CCR9: variants seen among roughly 807,000 people sequenced by gnomAD.
CCR9 encodes the protein C-C chemokine receptor type 9.
A neutral mutation model predicts 8.7 loss-of-function variants in CCR9; 4 were observed. The observed-to-expected ratio is 0.46, with a 90% CI of 0.23 to 1.06. CCR9 has a LOEUF of 1.06. CCR9 is among the 50% of genes least tolerant of loss of function. The probability of loss-of-function intolerance (pLI) is 0.21; values close to 1 mark genes in which losing one functional copy is unlikely to be tolerated. For missense variants in CCR9, 394 were observed against 453.6 expected (o/e 0.87, Z 1.19); for synonymous variants, 159 against 168.8 (o/e 0.94, Z 0.45).
At position 45,897,975 on chromosome 3, in the gene CCR9, CAAA is replaced by C. The variant is rs72284250; in HGVS notation, c.22-2819_22-2817del. ...TGAGAGTCTATTAAAGCTATTTGAC[CAAA>C]AAAAAAAAAAAAAAACACACAAAAC... On this transcript the variant is annotated intron_variant, in intron 2 of 2. Coordinates refer to ENST00000357632, the MANE Select transcript of CCR9 (RefSeq NM_031200.3). Among the ~76,000 whole-genome samples the C allele has an allele frequency of 5.6e-3, 594 of 105,972 alleles. 4 individuals carry two copies. Among genetic ancestry groups the C allele is most frequent in the African/African-American group, 0.02 (528 of 26,406 alleles). 69.5% of individuals were successfully genotyped at this position (105,972 alleles called of 152,430 possible). A position where few individuals can be genotyped will look rare whatever the true frequency, so the allele number is the denominator to read the frequency against.
upstream of CCR9, chr3:45,886,370 C>A (rs973416950): frequency 6.6e-6 from 1 of 152,258 alleles, no homozygotes; most frequent in Non-Finnish European, 1.5e-5. Context: ...GACAGTTTCC[C>A]CTTATCCCAG....
chr3:45,898,680 G>A (rs1368552987), intron 2 of CCR9, among the ~76,000 whole-genome samples: 1 of 152,218 alleles, frequency 6.6e-6, no homozygotes, highest in African/African-American at 2.4e-5. Context: ...CTGCCAGCCA[G>A]GGCCCAAATA....
intron 2 of CCR9, chr3:45,897,773 G>C: frequency 1.7e-6 from 1 of 591,834 alleles, no homozygotes; most frequent in Non-Finnish European, 2.9e-6. Context: ...TTTCTTCCTT[G>C]TCTGTCTTCC....
At chr3:45,895,328 A>G (rs1333954444) in intron 2 of CCR9, among the ~76,000 whole-genome samples, 1 of 152,252 alleles carries the variant, frequency 6.6e-6, no homozygotes, top group Non-Finnish European at 1.5e-5. Context: ...TGGGCACATT[A>G]GTTGTATTTC....
chr3:45,898,417 T>C (rs1350392043), intron 2 of CCR9, among the ~76,000 whole-genome samples: 1 of 152,246 alleles, frequency 6.6e-6, no homozygotes, highest in Non-Finnish European at 1.5e-5. Context: ...TCTCTAAGTG[T>C]AAACTGAAAT....
chr3:45,891,946 A>C (rs562489041), intron 1 of CCR9, among the ~76,000 whole-genome samples: 4 of 152,286 alleles, frequency 2.6e-5, no homozygotes, highest in African/African-American at 9.6e-5. Flanking sequence ...TTTAGGACAA[A>C]TGTGACACTG....
At chr3:45,897,644 A>G (rs1395840990) in intron 2 of CCR9, 1 of 1,524,988 alleles carries the variant, frequency 6.6e-7, no homozygotes, top group Admixed American at 2.0e-5. Context: ...CAGGACTAAC[A>G]CAGCTAAGTG....
rs1702503993 is a variant in CCR9 at position 45,900,191 on chromosome 3, C to A, written c.22-619C>A. On this transcript the variant is annotated intron_variant, in intron 2 of 2. Transcript: ENST00000357632. The surrounding 1 kb of genome is among the most constrained non-coding windows in gnomAD (Gnocchi z 4.7). ...TTGAAATTCCTAATAATTTTTGGACCACGGGTCCTGCTAACTATAGAGCAG... is the reference window on the plus strand; with the variant it reads ...TTGAAATTCCTAATAATTTTTGGACAACGGGTCCTGCTAACTATAGAGCAG... Among the ~76,000 whole-genome samples the A allele has an allele frequency of 6.6e-6, 1 of 151,962 alleles. No individual in the cohort carries two copies. Among genetic ancestry groups the A allele is most frequent in the South Asian group, 2.1e-4 (1 of 4,810 alleles).
Position 45,901,296 on chromosome 3 carries a change from T to A in CCR9, c.508T>A (p.Phe170Ile). Residue 170 changes from phenylalanine to isoleucine, a missense_variant, in exon 3 of 3, where the codon TTT (phenylalanine) becomes ATT (isoleucine). By Grantham distance (21) the Phe-to-Ile change is conservative (BLOSUM62 0). Coordinates refer to ENST00000357632, the MANE Select transcript of CCR9 (RefSeq NM_031200.3). This position sits in a 1 kb window ranked among gnomAD's most constrained non-coding sequence, Gnocchi z 4.3. ...GCTTTTGTACAGCAAAATGGTTTGC[T>A]TTACCATCTGGGTATTGGCAGCTGC... ...KRLLYSKMVC[F>I]TIWVLAAALC... 6.2e-7 allele frequency: 1 copy of A among 1,614,190 alleles called. No individual in the cohort carries two copies. Among genetic ancestry groups the A allele is most frequent in the South Asian group, 1.1e-5 (1 of 91,072 alleles).
chr3:45,887,778 C>A (rs1175282654), intron 1 of CCR9, among the ~76,000 whole-genome samples: 3 of 152,236 alleles, frequency 2.0e-5, no homozygotes, highest in East Asian at 3.8e-4. Flanking sequence ...CCCTGTGCAG[C>A]CCCTGCTGGG....
chr3:45,897,773 G>T, intron 2 of CCR9: 1 of 591,834 alleles, frequency 1.7e-6, no homozygotes, highest in Non-Finnish European at 2.9e-6. Flanking sequence ...TTTCTTCCTT[G>T]TCTGTCTTCC....
At position 45,901,110 on chromosome 3, in the gene CCR9, G is replaced by A; in HGVS notation, c.322G>A (p.Ala108Thr). 6.2e-7 allele frequency: 1 copy of A among 1,614,108 alleles called. No individual in the cohort carries two copies. The highest frequency in any genetic ancestry group is 8.5e-7 in the Non-Finnish European group (1 of 1,180,008). ...LVTLPFWAIA[A>T]ADQWKFQTFM... is the part of the protein sequence containing the mutation. The stretch of plus-strand genomic sequence containing the variant: ...CACTCTTCCCTTCTGGGCCATTGCT[G>A]CTGCTGACCAGTGGAAGTTCCAGAC... The change falls in exon 3 of 3, where the codon GCT becomes ACT. Residue 108 changes from alanine to threonine, a missense_variant. Ala to Thr is a moderately conservative substitution (Grantham distance 58, BLOSUM62 0). Transcript: ENST00000357632. The surrounding 1 kb of genome is among the most constrained non-coding windows in gnomAD (Gnocchi z 4.3).
In CCR9 at chr3:45,901,953, A is replaced by C; in HGVS notation, c.*55A>C. On this transcript the variant is annotated 3_prime_UTR_variant, in exon 3 of 3. Coordinates refer to ENST00000357632, the MANE Select transcript of CCR9 (RefSeq NM_031200.3). This position sits in a 1 kb window ranked among gnomAD's most constrained non-coding sequence, Gnocchi z 4.3. ...TGGAAGAAATGAGAAATACAGAAACAGTTTCCCCACTGATGGGACCAGAGA... is the reference window on the plus strand; with the variant it reads ...TGGAAGAAATGAGAAATACAGAAACCGTTTCCCCACTGATGGGACCAGAGA... The C allele has an allele frequency of 6.9e-7, 1 of 1,439,828 alleles. No homozygotes were observed. The highest frequency in any genetic ancestry group is 9.4e-7 in the Non-Finnish European group (1 of 1,062,614). The allele number at this position is 1,439,828 out of a possible 1,614,324, so 89.2% of individuals were successfully genotyped here.
chr3:45,891,494 T>C (rs1702178457), intron 1 of CCR9, among the ~76,000 whole-genome samples: 1 of 152,198 alleles, frequency 6.6e-6, no homozygotes, highest in Non-Finnish European at 1.5e-5. Flanking sequence ...TTTTGAATCC[T>C]TTGAGAATAT....
At position 45,900,970 on chromosome 3, in the gene CCR9, T is replaced by C; in HGVS notation, c.182T>C (p.Val61Ala). The C allele has an allele frequency of 6.2e-7, 1 of 1,614,232 alleles. No individual in the cohort carries two copies. Among genetic ancestry groups the C allele is most frequent in the South Asian group, 1.1e-5 (1 of 91,082 alleles). Reference sequence around the variant, plus strand: ...CCCTTGTACTGGCTCGTGTTCATCGTGGGTGCCTTGGGCAACAGTCTTGTT... The same window carrying C: ...CCCTTGTACTGGCTCGTGTTCATCGCGGGTGCCTTGGGCAACAGTCTTGTT... ...LPPLYWLVFI[V>A]GALGNSLVIL... Residue 61 changes from valine (V) to alanine (A), a missense_variant, in exon 3 of 3, where the codon GTG (valine) becomes GCG (alanine). Coordinates refer to ENST00000357632, the MANE Select transcript of CCR9 (RefSeq NM_031200.3). The surrounding 1 kb of genome is among the most constrained non-coding windows in gnomAD (Gnocchi z 4.7).
chr3:45,898,598 A>T (rs1159908231), intron 2 of CCR9, among the ~76,000 whole-genome samples: 1 of 152,204 alleles, frequency 6.6e-6, no homozygotes, highest in African/African-American at 2.4e-5. Context: ...CACATATTGG[A>T]GATGGAGTCA....
At chr3:45,889,361 A>G (rs1169317234) in intron 1 of CCR9, among the ~76,000 whole-genome samples, 2 of 152,214 alleles carry the variant, frequency 1.3e-5, no homozygotes, top group Admixed American at 1.3e-4. Flanking sequence ...TTAGTTGCAT[A>G]AAGTAGCCTC....
At chr3:45,895,025 G>A (rs987902783) in intron 2 of CCR9, 71 bp downstream of exon 2, 1 of 1,452,850 alleles carries the variant, frequency 6.9e-7, no homozygotes, top group African/African-American at 1.4e-5. Flanking sequence ...GGTGTGGGAA[G>A]GATCCACTGT....
chr3:45,891,586 A>C (rs1288880182), intron 1 of CCR9, among the ~76,000 whole-genome samples: 3 of 152,202 alleles, frequency 2.0e-5, no homozygotes, highest in Admixed American at 6.5e-5. Flanking sequence ...GTAAAACCAC[A>C]ATGCAGTCAG....
Sources: gnomAD v4.1 joint callset for allele counts (sites outside exome capture counted in the v4.1 genomes callset) on GRCh38, gnomAD v4.1.1 for gene constraint, Gnocchi (gnomAD v3.1) non-coding constraint, MANE v1.5 for transcripts, NCBI Gene and HGNC (gene_info 2026-07-23, HGNC 2026-07-21) for gene names.